Variants in TTC28 observed in about 807,000 individuals in gnomAD.
TTC28 encodes tetratricopeptide repeat protein 28.
In TTC28, 61 loss-of-function variants were observed where a neutral mutation model predicts 198.0. The observed-to-expected ratio is 0.31, with a 90% confidence interval of 0.25 to 0.38. The LOEUF is 0.38. TTC28 is among the 10% of genes least tolerant of loss of function. TTC28 has a pLI of 1.00. For synonymous variants in TTC28, 1,171 were observed against 1,297.8 expected (o/e 0.90, Z 2.10); for missense variants, 2,678 against 3,164.0 (o/e 0.85, Z 3.69).
intron 1 of TTC28, among the ~76,000 whole-genome samples, chr22:28,675,865 T>C (rs190724984): frequency 6.6e-6 from 1 of 150,870 alleles, no homozygotes; most frequent in African/African-American, 2.4e-5. Flanking sequence ...TGAGAGGATC[T>C]CTTGAGGCCA....
At position 28,579,581 on chromosome 22, in the gene TTC28, G is replaced by GTATA. The variant is rs138886444; in HGVS notation, c.381+49967_381+49970dup. Among the ~76,000 whole-genome samples the GTATA allele has an allele frequency of 2.4e-3, 357 of 147,798 alleles. 3 individuals are homozygous for GTATA. Among genetic ancestry groups the GTATA allele is most frequent in the Middle Eastern group, 0.011 (3 of 276 alleles). Reference sequence around the variant, plus strand: ...GTCACATATACAAATGCATGTGTGTGTATATATATATATACACGAAAAAAT... The same window carrying GTATA: ...GTCACATATACAAATGCATGTGTGTGTATATATATATATATATACACGAAAAAAT... On this transcript the variant is annotated intron_variant, in intron 2 of 22. Transcript: ENST00000397906.
In TTC28 at chr22:28,107,049, T is replaced by C; in HGVS notation, c.2783+13A>G. The C allele has an allele frequency of 6.5e-7, 1 of 1,538,258 alleles. No individual in the cohort carries two copies. Among genetic ancestry groups the C allele is most frequent in the Non-Finnish European group, 8.8e-7 (1 of 1,138,372 alleles). On this transcript the variant is annotated intron_variant, in intron 7 of 22. Coordinates refer to ENST00000397906, the MANE Select transcript of TTC28 (RefSeq NM_001145418.2). ...CAGAACTATAAACCACAATTGTCCT[T>C]GGTCATTTTTACCTGTGTCCATTTC...
chr22:28,590,408 C>A (rs867156302), intron 2 of TTC28, among the ~76,000 whole-genome samples: 2 of 152,046 alleles, frequency 1.3e-5, no homozygotes, highest in Non-Finnish European at 2.9e-5. Context: ...GGATTACAGG[C>A]GTGAGCCACC....
At chr22:28,304,193 G>A (rs1470233380) in intron 3 of TTC28, among the ~76,000 whole-genome samples, 1 of 152,064 alleles carries the variant, frequency 6.6e-6, no homozygotes, top group East Asian at 1.9e-4. Flanking sequence ...GCTGAGGCAG[G>A]AGAATGGCGT....
chr22:28,065,010 C>G (rs1569116199), intron 12 of TTC28, among the ~76,000 whole-genome samples: 1 of 152,146 alleles, frequency 6.6e-6, no homozygotes, highest in Non-Finnish European at 1.5e-5. Context: ...ACTGATGCAT[C>G]ATTTTGATAC....
rs1601560912 is a variant in TTC28 at position 28,049,889 on chromosome 22, T to C, written c.3933-19523A>G. On this transcript the variant is annotated intron_variant, in intron 12 of 22. Coordinates refer to ENST00000397906, the MANE Select transcript of TTC28 (RefSeq NM_001145418.2). ...AAGCATTCTATCAGGTGAGTATCTCTGGGCCCTTCCACTGGGCCTCTGAAA... is the reference window on the plus strand; with the variant it reads ...AAGCATTCTATCAGGTGAGTATCTCCGGGCCCTTCCACTGGGCCTCTGAAA... Among the ~76,000 whole-genome samples, 6 of 152,202 alleles carry C rather than the reference T, an allele frequency of 3.9e-5. 1 individual carries two copies. Among genetic ancestry groups the C allele is most frequent in the Admixed American group, 3.9e-4 (6 of 15,284 alleles).
chr22:28,571,852 G>A (rs2050064837), intron 2 of TTC28, among the ~76,000 whole-genome samples: 1 of 151,554 alleles, frequency 6.6e-6, no homozygotes, highest in African/African-American at 2.4e-5. Flanking sequence ...GGAGGCTGAG[G>A]CAGGAAAATA....
At chr22:28,515,750 A>G (rs777639008) in intron 2 of TTC28, among the ~76,000 whole-genome samples, 2 of 152,212 alleles carry the variant, frequency 1.3e-5, no homozygotes, top group East Asian at 3.8e-4. Context: ...TAAGTCAGGT[A>G]TCATATAACT....
intron 2 of TTC28, among the ~76,000 whole-genome samples, chr22:28,313,796 T>C (rs1441732623): frequency 6.6e-6 from 1 of 152,182 alleles, no homozygotes; most frequent in Non-Finnish European, 1.5e-5. Context: ...CTTTGAAAAC[T>C]GGCACAAGAC....
chr22:28,030,145 G>T, intron 13 of TTC28, 81 bp downstream of exon 13: 2 of 1,501,812 alleles, frequency 1.3e-6, no homozygotes, highest in Non-Finnish European at 1.8e-6. Flanking sequence ...CCAGCTGGAA[G>T]GAGCATCCAC....
At chr22:28,160,900 G>T (rs186363284) in intron 6 of TTC28, among the ~76,000 whole-genome samples, 33 of 152,264 alleles carry the variant, frequency 2.2e-4, no homozygotes, top group Middle Eastern at 3.4e-3. Context: ...GAGCAGCCAG[G>T]AAGAAAATCA....
intron 12 of TTC28, among the ~76,000 whole-genome samples, chr22:28,053,879 A>G (rs958511249): frequency 2.0e-5 from 3 of 152,188 alleles, no homozygotes; most frequent in Admixed American, 1.3e-4. Context: ...TATCCTTTAG[A>G]GCAAAAAATA....
chr22:28,085,663 A>G (rs1269201934), intron 12 of TTC28, among the ~76,000 whole-genome samples: 4 of 152,092 alleles, frequency 2.6e-5, no homozygotes, highest in Non-Finnish European at 5.9e-5. Context: ...ACATAACAAT[A>G]TTAACTTTAA....
intron 2 of TTC28, among the ~76,000 whole-genome samples, chr22:28,380,521 G>A (rs1192129838): frequency 6.6e-6 from 1 of 152,062 alleles, no homozygotes; most frequent in African/African-American, 2.4e-5. Flanking sequence ...ATAAAGGACT[G>A]GTTTGTGTAA....
chr22:28,455,085 A>G (rs1253511588), intron 2 of TTC28, among the ~76,000 whole-genome samples: 2 of 152,198 alleles, frequency 1.3e-5, no homozygotes, highest in Non-Finnish European at 1.5e-5. Context: ...TAAGAAAACT[A>G]TTAACTGAAT....
intron 2 of TTC28, among the ~76,000 whole-genome samples, chr22:28,529,039 C>T (rs1450697032): frequency 6.6e-6 from 1 of 152,156 alleles, no homozygotes; most frequent in Non-Finnish European, 1.5e-5. Context: ...AACTGAGGTA[C>T]CAGGTTCATC....
At chr22:28,423,208 G>A (rs2047289475) in intron 2 of TTC28, among the ~76,000 whole-genome samples, 1 of 152,032 alleles carries the variant, frequency 6.6e-6, no homozygotes, top group Admixed American at 6.6e-5. Flanking sequence ...TAACCAACAT[G>A]GTGAAACCCC....
intron 1 of TTC28, among the ~76,000 whole-genome samples, chr22:28,637,292 G>A (rs553987960): frequency 1.1e-4 from 16 of 152,300 alleles, no homozygotes; most frequent in African/African-American, 3.1e-4. Context: ...GATTATAGGC[G>A]TGAGCCACCG....
chr22:27,999,391 C>G (rs1322202654), intron 15 of TTC28, 131 bp from the exon 16 acceptor site: 1 of 1,299,264 alleles, frequency 7.7e-7, no homozygotes, highest in South Asian at 1.6e-5. Flanking sequence ...TCCCCAGTCA[C>G]CACATTCACT....
Sources: gnomAD v4.1 joint callset for allele counts (sites outside exome capture counted in the v4.1 genomes callset) on GRCh38, gnomAD v4.1.1 for gene constraint, MANE v1.5 for transcripts, NCBI Gene and HGNC (gene_info 2026-07-23, HGNC 2026-07-21) for gene names.